Variants in GPM6A observed in about 807,000 individuals in gnomAD.
The protein encoded by GPM6A is neuronal membrane glycoprotein M6-a.
Under a neutral mutation model 32.1 loss-of-function variants are expected in GPM6A, and 7 were observed. The observed-to-expected ratio is 0.22, with a 90% CI of 0.12 to 0.41. The LOEUF (loss-of-function observed/expected upper bound fraction) is 0.41, where lower values mean the gene tolerates loss of function less well. GPM6A is among the 10% of genes least tolerant of loss of function. GPM6A has a pLI of 1.00. For synonymous variants in GPM6A, 130 were observed against 123.4 expected (o/e 1.05, Z -0.35); for missense variants, 235 against 347.2 (o/e 0.68, Z 2.57).
chr4:175,774,854 T>G (rs1442490609), intron 1 of GPM6A, among the ~76,000 whole-genome samples: 1 of 152,114 alleles, frequency 6.6e-6, no homozygotes, highest in Non-Finnish European at 1.5e-5. Flanking sequence ...ATCTCTCAGT[T>G]CATAATACTG....
At chr4:175,834,525 C>T (rs1200223961) in intron 1 of GPM6A, among the ~76,000 whole-genome samples, 1 of 152,124 alleles carries the variant, frequency 6.6e-6, no homozygotes, top group African/African-American at 2.4e-5. Context: ...TGAATGTGTG[C>T]TGTAAACTCA....
chr4:175,845,850 T>G (rs534390215), intron 1 of GPM6A, among the ~76,000 whole-genome samples: 3 of 152,218 alleles, frequency 2.0e-5, no homozygotes, highest in Non-Finnish European at 2.9e-5. Flanking sequence ...CTAAAAAACC[T>G]TGACTGTCTC....
intron 1 of GPM6A, among the ~76,000 whole-genome samples, chr4:175,996,065 C>T (rs571112682): frequency 6.6e-6 from 1 of 152,278 alleles, no homozygotes; most frequent in East Asian, 1.9e-4. Flanking sequence ...TAAGCTGAAA[C>T]ACAATAATGA....
intron 3 of GPM6A, chr4:175,654,138 T>TC (rs1437104449): frequency 1.3e-5 from 2 of 152,222 alleles, no homozygotes; most frequent in Non-Finnish European, 1.5e-5. Flanking sequence ...CAGGTCATTT[T>TC]CCATCTTTTG....
chr4:175,942,891 G>C (rs1739460491), intron 1 of GPM6A, among the ~76,000 whole-genome samples: 1 of 151,990 alleles, frequency 6.6e-6, no homozygotes, highest in Non-Finnish European at 1.5e-5. Flanking sequence ...GAAATTTAAA[G>C]TAGTTTTTTT....
At chr4:175,924,164 G>A (rs1738758019) in intron 1 of GPM6A, among the ~76,000 whole-genome samples, 1 of 152,146 alleles carries the variant, frequency 6.6e-6, no homozygotes, top group African/African-American at 2.4e-5. Context: ...AACAATTAGA[G>A]CTCTCATTTT....
chr4:175,719,775 A>G (rs2111111694), intron 1 of GPM6A, among the ~76,000 whole-genome samples: 1 of 152,272 alleles, frequency 6.6e-6, no homozygotes, highest in African/African-American at 2.4e-5. Flanking sequence ...ATCTTTTCTC[A>G]GGCATCAGAG....
At chr4:175,807,920 A>G (rs1734760415) in intron 1 of GPM6A, among the ~76,000 whole-genome samples, 1 of 152,188 alleles carries the variant, frequency 6.6e-6, no homozygotes, top group African/African-American at 2.4e-5. Flanking sequence ...CTAGTCAATT[A>G]ATCTATTTGG....
At chr4:175,705,043 T>C (rs1213388406) in intron 1 of GPM6A, among the ~76,000 whole-genome samples, 2 of 152,198 alleles carry the variant, frequency 1.3e-5, no homozygotes, top group African/African-American at 4.8e-5. Context: ...CACTCTACTT[T>C]AAATGGACCA....
intron 1 of GPM6A, among the ~76,000 whole-genome samples, chr4:175,738,398 T>C (rs1207622041): frequency 6.6e-6 from 1 of 152,140 alleles, no homozygotes; most frequent in Non-Finnish European, 1.5e-5. Flanking sequence ...GTATGCCTTA[T>C]GGTCAGTACT....
chr4:175,652,575 A>T (rs1741870728), intron 3 of GPM6A, among the ~76,000 whole-genome samples: 1 of 151,852 alleles, frequency 6.6e-6, no homozygotes, highest in Non-Finnish European at 1.5e-5. Context: ...TAGTATATAC[A>T]CTTATATATG....
chr4:175,751,421 G>A (rs545662423), intron 1 of GPM6A, among the ~76,000 whole-genome samples: 24 of 152,000 alleles, frequency 1.6e-4, no homozygotes, highest in South Asian at 4.1e-4. Context: ...ATATTCTTTT[G>A]TTTATTTTTT....
intron 1 of GPM6A, among the ~76,000 whole-genome samples, chr4:175,750,180 C>T (rs1209275547): frequency 5.9e-5 from 9 of 151,864 alleles, no homozygotes; most frequent in Non-Finnish European, 2.9e-5. Context: ...TGCCTCAGTA[C>T]CCCCAGTAGC....
At chr4:175,976,091 A>G (rs1740648889) in intron 1 of GPM6A, among the ~76,000 whole-genome samples, 1 of 151,360 alleles carries the variant, frequency 6.6e-6, no homozygotes, top group African/African-American at 2.4e-5. Flanking sequence ...CATGCTTCAC[A>G]CTGATGTTTT....
intron 1 of GPM6A, among the ~76,000 whole-genome samples, chr4:175,857,274 T>A (rs1244791054): frequency 6.6e-6 from 1 of 152,144 alleles, no homozygotes; most frequent in African/African-American, 2.4e-5. Flanking sequence ...GTAAAATGTA[T>A]GAGTACAGAA....
chr4:175,761,601 T>C (rs1732745645), intron 1 of GPM6A, among the ~76,000 whole-genome samples: 2 of 152,172 alleles, frequency 1.3e-5, no homozygotes. Flanking sequence ...AAATGTAGGA[T>C]ATAATTATTT....
chr4:175,732,159 A>C (rs559938123), intron 1 of GPM6A, among the ~76,000 whole-genome samples: 1 of 151,150 alleles, frequency 6.6e-6, no homozygotes, highest in Admixed American at 6.6e-5. Context: ...TAGAGACAGG[A>C]TTTCACCATG....
chr4:175,948,170 G>T (rs763497296), intron 1 of GPM6A, among the ~76,000 whole-genome samples: 14 of 152,124 alleles, frequency 9.2e-5, no homozygotes, highest in Admixed American at 2.6e-4. Flanking sequence ...CCAATATTAT[G>T]ATACCCTCAT....
chr4:175,837,590 A>G (rs1735807298), intron 1 of GPM6A, among the ~76,000 whole-genome samples: 1 of 152,138 alleles, frequency 6.6e-6, no homozygotes, highest in African/African-American at 2.4e-5. Context: ...GAATTTCCTA[A>G]AAGCCCGCCT....
Sources: allele counts gnomAD v4.1 joint callset (sites outside exome capture counted in the v4.1 genomes callset), GRCh38; gene constraint gnomAD v4.1.1; transcripts MANE v1.5; gene names NCBI Gene and HGNC (gene_info 2026-07-23, HGNC 2026-07-21).